ARHGAP45: variants seen among roughly 807,000 people sequenced by gnomAD.
The protein encoded by ARHGAP45 is rho GTPase-activating protein 45.
ARHGAP45 carries 56 observed loss-of-function variants against 116.1 expected under a neutral mutation model. That is an observed-to-expected ratio of 0.48 (90% confidence interval 0.39 to 0.60). ARHGAP45 has a LOEUF of 0.60. Among genes scored for constraint, ARHGAP45 ranks in the 20% least tolerant of loss-of-function variants. The pLI is 0.00. For synonymous variants in ARHGAP45, 866 were observed against 701.7 expected (o/e 1.23, Z -3.70); for missense variants, 1,622 against 1,601.0 (o/e 1.01, Z -0.22).
intron 10 of ARHGAP45, 47 bp downstream of exon 10, chr19:1,074,926 G>A (rs1008978308): frequency 4.8e-6 from 7 of 1,455,578 alleles, no homozygotes; most frequent in South Asian, 2.7e-5. Context: ...GCGGGCCTCG[G>A]CGCAGGCGCA....
At position 1,079,690 on chromosome 19, in the gene ARHGAP45, G is replaced by C. The variant is rs371872778; in HGVS notation, c.1375-13G>C. 1.6e-3 allele frequency: 2,512 copies of C among 1,611,964 alleles called. 5 individuals are homozygous for C. Among genetic ancestry groups the C allele is most frequent in the Middle Eastern group, 2.1e-3 (13 of 6,054 alleles). ...GCTGAGGCCTCTCTCTGTGCGCCCCGCCCCCACCGCAGGCGGAGGAAGCTA... is the reference window on the plus strand; with the variant it reads ...GCTGAGGCCTCTCTCTGTGCGCCCCCCCCCCACCGCAGGCGGAGGAAGCTA... On this transcript the variant is annotated splice_polypyrimidine_tract_variant and intron_variant, in intron 11 of 22. Transcript: ENST00000313093.
rs1599782302 is a variant in ARHGAP45 at position 1,086,064 on chromosome 19, G to A, written c.*58G>A. On this transcript the variant is annotated 3_prime_UTR_variant, in exon 23 of 23. Transcript: ENST00000313093. The stretch of plus-strand genomic sequence containing the variant: ...TCTCTTGCCTGCTCCTGTCCCTCCA[G>A]CACGTCCCCTGCACCACGGCATAGC... The A allele has an allele frequency of 1.4e-6, 2 of 1,453,496 alleles. No individual in the cohort carries two copies. The highest frequency in any genetic ancestry group is 1.9e-6 in the Non-Finnish European group (2 of 1,050,836). 90.0% of individuals were successfully genotyped at this position (1,453,496 alleles called of 1,614,324 possible).
upstream of ARHGAP45, chr19:1,066,444 C>T: frequency 2.0e-6 from 1 of 494,844 alleles, no homozygotes; most frequent in African/African-American, 1.9e-5. Flanking sequence ...GGAGGCGGGG[C>T]TGGGGACCTT....
rs1338819145 is a variant in ARHGAP45, at chr19:1,080,478, C to G, written c.1843C>G (p.Gln615Glu). The G allele has an allele frequency of 6.2e-7, 1 of 1,612,844 alleles. No individual in the cohort carries two copies. Among genetic ancestry groups the G allele is most frequent in the Admixed American group, 1.7e-5 (1 of 59,976 alleles). ...TCTTTCTCCAGCCGGGCGAGGACAC[C>G]AGGTTCACAAGTCATGGCCGCTCTC... Reference protein sequence around the residue: ...AKDHRAGRGHQVHKSWPLSIS... With the variant: ...AKDHRAGRGHEVHKSWPLSIS... Residue 615 changes from glutamine to glutamate, a missense_variant, in exon 15 of 23, where the codon CAG (glutamine) becomes GAG (glutamate). Gln to Glu is a conservative substitution (Grantham distance 29). Coordinates refer to ENST00000313093, the MANE Select transcript of ARHGAP45 (RefSeq NM_012292.5).
intron 2 of ARHGAP45, among the ~76,000 whole-genome samples, 180 bp from the exon 3 acceptor site, chr19:1,072,969 T>C (rs1413899590): frequency 6.6e-6 from 1 of 152,190 alleles, no homozygotes. Flanking sequence ...ATCTGGCCGG[T>C]AGCCCAGGGA....
intron 22 of ARHGAP45, 30 bp from the exon 23 acceptor site, chr19:1,085,630 C>T: frequency 6.8e-7 from 1 of 1,478,962 alleles, no homozygotes; most frequent in Non-Finnish European, 9.1e-7. Context: ...TCCTGTCTGT[C>T]TCCCCCCGCC....
rs1397970511 is a variant in ARHGAP45, at chr19:1,074,374, C to G, written c.960C>G (p.Ile320Met). ...EMEFAKGLQKIAHNCRQSVMQ... is the reference protein window; with the variant it reads ...EMEFAKGLQKMAHNCRQSVMQ... The stretch of plus-strand genomic sequence containing the variant: ...AGTTTGCCAAGGGCCTGCAGAAGAT[C>G]GCTCACAACTGCAGACAGAGCGTCA... The change falls in exon 8 of 23, where the codon ATC becomes ATG. Residue 320 changes from isoleucine (I) to methionine (M), a missense_variant. Coordinates refer to ENST00000313093, the MANE Select transcript of ARHGAP45 (RefSeq NM_012292.5). The G allele has an allele frequency of 6.2e-6, 10 of 1,601,116 alleles. No homozygotes were observed. Among genetic ancestry groups the G allele is most frequent in the Non-Finnish European group, 8.5e-6 (10 of 1,173,752 alleles).
chr19:1,070,335 T>TC (rs1278540717), intron 2 of ARHGAP45, among the ~76,000 whole-genome samples: 2 of 133,436 alleles, frequency 1.5e-5, no homozygotes, highest in Non-Finnish European at 3.2e-5. Context: ...TTTTCTTTTT[T>TC]TTTTTTTTTT....
Position 1,082,908 on chromosome 19 carries a change from G to A in ARHGAP45, c.2586G>A (p.Lys862=), listed in dbSNP as rs762326086. 6.3e-7 allele frequency: 1 copy of A among 1,595,458 alleles called. No homozygotes were observed. Among genetic ancestry groups the A allele is most frequent in the South Asian group, 1.1e-5 (1 of 88,784 alleles). ...ELVGLAKDSL[K]AEAEAKAASR... ...TAGGGCTGGCCAAGGACAGCCTGAAGGCAGAGGCCGAGGCCAAGGCGGCGT... is the reference window on the plus strand; with the variant it reads ...TAGGGCTGGCCAAGGACAGCCTGAAAGCAGAGGCCGAGGCCAAGGCGGCGT... The change falls in exon 20 of 23, where the codon AAG becomes AAA. Residue 862 remains lysine (K), a synonymous_variant. Transcript: ENST00000313093.
chr19:1,084,354 T>A lies in ARHGAP45; in HGVS notation c.3064+8T>A. On this transcript the variant is annotated splice_region_variant and intron_variant, in intron 22 of 22. Transcript: ENST00000313093. The stretch of plus-strand genomic sequence containing the variant: ...CGGCGGACGGGTGCAGAGGTGAGTG[T>A]GTGGCTGCCCGAACGGCCCCAAGGG... 1 of 1,599,788 alleles carries A rather than the reference T, an allele frequency of 6.3e-7. No homozygotes were observed. The highest frequency in any genetic ancestry group is 8.5e-7 in the Non-Finnish European group (1 of 1,173,912).
At position 1,077,972 on chromosome 19, in the gene ARHGAP45, C is replaced by T. The variant is rs765132004; in HGVS notation, c.1301C>T (p.Ala434Val). 1.3e-4 allele frequency: 198 copies of T among 1,553,228 alleles called. 5 individuals carry two copies. The South Asian group carries it at 2.0e-3, about 16-fold the overall frequency. ...AKAEEEQAGSAPGAGSTATKT... is the reference protein window; with the variant it reads ...AKAEEEQAGSVPGAGSTATKT... The stretch of plus-strand genomic sequence containing the variant: ...GCGGAGGAGGAGCAGGCTGGCAGCG[C>T]GCCGGGAGCAGGCAGCACGGCCACC... The change falls in exon 11 of 23, where the codon GCG (alanine) becomes GTG (valine). Residue 434 changes from alanine to valine, a missense_variant. Around this residue, in one of 3 missense-constraint regions of ARHGAP45, gnomAD observed 1,334 missense variants for 1,263.8 expected, o/e 1.06. Coordinates refer to ENST00000313093, the MANE Select transcript of ARHGAP45 (RefSeq NM_012292.5).
chr19:1,080,638 C>A (rs768667238), intron 15 of ARHGAP45, 44 bp from the exon 16 acceptor site: 2 of 1,595,630 alleles, frequency 1.3e-6, no homozygotes, highest in Non-Finnish European at 1.7e-6. Flanking sequence ...ATGGAGGGGG[C>A]CCCCCTGGCT....
rs749873999 is a variant in ARHGAP45, at chr19:1,073,585, TAGCACGTG to T, written c.650+2_650+9del. ...TGGAGACGATTGCTGTGGCCTTCAG[TAGCACGTG>T]AGCACGGGAGCCTGTGGGGCAGGGC... On this transcript the variant is annotated splice_donor_variant and splice_donor_region_variant and coding_sequence_variant and intron_variant, in exon 4 of 23. Coordinates refer to ENST00000313093, the MANE Select transcript of ARHGAP45 (RefSeq NM_012292.5). LOFTEE classifies it high-confidence loss of function. 6.2e-7 allele frequency: 1 copy of T among 1,613,758 alleles called. No individual in the cohort carries two copies. The highest frequency in any genetic ancestry group is 8.5e-7 in the Non-Finnish European group (1 of 1,179,846).
At position 1,069,752 on chromosome 19, in the gene ARHGAP45, C is replaced by T. The variant is rs535752866; in HGVS notation, c.421+1008C>T. On this transcript the variant is annotated intron_variant, in intron 2 of 22. Transcript: ENST00000313093. This position sits in a 1 kb window ranked among gnomAD's most constrained non-coding sequence, Gnocchi z 4.1. ...CCTGGCGCTTCCTTGGAGGCCTGGC[C>T]TGGGCGGGGCTCAGCTCCCAGGCTC... Among the ~76,000 whole-genome samples the T allele has an allele frequency of 1.3e-5, 2 of 151,954 alleles. No homozygotes were observed. The highest frequency in any genetic ancestry group is 6.5e-5 in the Admixed American group (1 of 15,276).
chr19:1,067,040 C>A, upstream of ARHGAP45: 2 of 396,516 alleles, frequency 5.0e-6, no homozygotes, highest in Non-Finnish European at 7.0e-6. Context: ...CCGCCCCGTG[C>A]CCGCCAGCGT....
intron 10 of ARHGAP45, among the ~76,000 whole-genome samples, chr19:1,075,395 C>G (rs933409318): frequency 2.0e-5 from 3 of 152,116 alleles, no homozygotes; most frequent in African/African-American, 4.8e-5. Context: ...CAGAAGCACG[C>G]CACCACACCT....
At position 1,074,892 on chromosome 19, in the gene ARHGAP45, GGCGGGGGC is replaced by G; in HGVS notation, c.1185+15_1185+22del. The G allele has an allele frequency of 6.9e-7, 1 of 1,450,090 alleles. No individual in the cohort carries two copies. The allele number at this position is 1,450,090 out of a possible 1,614,324, so 89.8% of individuals were successfully genotyped here. ...CCAGAGGAAGCTGGTGAGGCGGGCG[GGCGGGGGC>G]GGGCGGGGGCGGGCAGCGGGCCTCG... On this transcript the variant is annotated intron_variant, in intron 10 of 22. Coordinates refer to ENST00000313093, the MANE Select transcript of ARHGAP45 (RefSeq NM_012292.5).
chr19:1,079,645 G>T, intron 11 of ARHGAP45, 58 bp from the exon 12 acceptor site: 1 of 1,584,612 alleles, frequency 6.3e-7, no homozygotes, highest in Non-Finnish European at 8.6e-7. Flanking sequence ...TGAGGTTTCT[G>T]TCTGAGTCCT....
chr19:1,080,261 C>G lies in ARHGAP45; in HGVS notation c.1710C>G (p.Pro570=). Residue 570 remains proline, a synonymous_variant, in exon 14 of 23, where the codon CCC becomes CCG. Coordinates refer to ENST00000313093, the MANE Select transcript of ARHGAP45 (RefSeq NM_012292.5). ...TCCCGGTTTCTTCCACTAGGTCCCCCGTCATGCGTGCCCGGAAGAGCAGCT... is the reference window on the plus strand; with the variant it reads ...TCCCGGTTTCTTCCACTAGGTCCCCGGTCATGCGTGCCCGGAAGAGCAGCT... ...EPHVSANAWS[P]VMRARKSSFN... 1 of 1,612,656 alleles carries G rather than the reference C, an allele frequency of 6.2e-7. No homozygotes were observed. Among genetic ancestry groups the G allele is most frequent in the Non-Finnish European group, 8.5e-7 (1 of 1,179,860 alleles).
Sources: allele counts gnomAD v4.1 joint callset (sites outside exome capture counted in the v4.1 genomes callset), GRCh38; gene constraint gnomAD v4.1.1; regional missense constraint gnomAD v4.1.1; non-coding constraint Gnocchi (gnomAD v3.1); transcripts MANE v1.5; gene names NCBI Gene and HGNC (gene_info 2026-07-23, HGNC 2026-07-21).